The following AATF variants were observed in gnomAD, a reference collection of about 807,000 sequenced individuals.
AATF encodes the protein apoptosis antagonizing transcription factor.
A neutral mutation model predicts 63.7 loss-of-function variants in AATF; 48 were observed. That is an observed-to-expected ratio of 0.75 (90% CI 0.60 to 0.96). The LOEUF is 0.96. AATF is among the 40% of genes least tolerant of loss of function. AATF has a pLI of 0.00. For synonymous variants in AATF, 258 were observed against 247.7 expected (o/e 1.04, Z -0.39); for missense variants, 639 against 685.7 (o/e 0.93, Z 0.76).
At chr17:37,056,558 A>G (rs769946524) in intron 11 of AATF, 43 bp from the exon 12 acceptor site, 17 of 1,600,536 alleles carry the variant, frequency 1.1e-5, no homozygotes, top group Admixed American at 1.7e-5. Context: ...AACCTTGAAT[A>G]GTGAACCAGT....
At chr17:36,984,007 G>A (rs1267055826) in intron 4 of AATF, among the ~76,000 whole-genome samples, 1 of 152,210 alleles carries the variant, frequency 6.6e-6, no homozygotes, top group African/African-American at 2.4e-5. Flanking sequence ...TCTAACTCAT[G>A]TATTGGTGTC....
intron 4 of AATF, among the ~76,000 whole-genome samples, chr17:36,964,213 G>T (rs1417417578): frequency 7.6e-6 from 1 of 131,262 alleles, no homozygotes; most frequent in Non-Finnish European, 1.5e-5. Context: ...CAGCGTGTTT[G>T]CATGTTGATA....
intron 11 of AATF, among the ~76,000 whole-genome samples, chr17:37,038,693 G>T (rs1403412424): frequency 6.6e-6 from 1 of 151,968 alleles, no homozygotes; most frequent in Admixed American, 6.6e-5. Flanking sequence ...ATAACTTAAA[G>T]AAATTCTCAA....
At chr17:37,028,401 C>T (rs1466496916) in intron 10 of AATF, among the ~76,000 whole-genome samples, 2 of 152,024 alleles carry the variant, frequency 1.3e-5, no homozygotes, top group Non-Finnish European at 2.9e-5. Flanking sequence ...ACACTGCACT[C>T]CAGCCTGAGC....
chr17:37,011,526 A>G (rs1329598766), intron 8 of AATF, among the ~76,000 whole-genome samples: 1 of 152,210 alleles, frequency 6.6e-6, no homozygotes, highest in Non-Finnish European at 1.5e-5. Context: ...TTCCAGGGGT[A>G]ACTCTTAGGT....
chr17:37,002,397 G>A (rs1022152017), intron 8 of AATF, among the ~76,000 whole-genome samples: 1 of 151,948 alleles, frequency 6.6e-6, no homozygotes, highest in Non-Finnish European at 1.5e-5. Context: ...GCTGGGCATG[G>A]TGCCTCACAC....
At chr17:36,964,812 A>G (rs1200132371) in intron 4 of AATF, among the ~76,000 whole-genome samples, 4 of 128,274 alleles carry the variant, frequency 3.1e-5, no homozygotes, top group African/African-American at 1.1e-4. Flanking sequence ...CCTAAACTTT[A>G]CATCATGCCA....
At chr17:37,042,733 C>CTTTTTTTTTT (rs200304881) in intron 11 of AATF, among the ~76,000 whole-genome samples, 1 of 137,334 alleles carries the variant, frequency 7.3e-6, no homozygotes. Flanking sequence ...TTAATTTTTT[C>CTTTTTTTTTT]TTTCTTTTTT....
chr17:36,994,078 A>C (rs2071236261), intron 8 of AATF, among the ~76,000 whole-genome samples: 2 of 152,198 alleles, frequency 1.3e-5, no homozygotes, highest in African/African-American at 4.8e-5. Flanking sequence ...CTGATATCAT[A>C]AATAATCTTA....
Position 36,950,064 on chromosome 17 carries a change from A to G in AATF, c.92-150A>G, listed in dbSNP as rs532208770. Reference sequence around the variant, plus strand: ...AGAAACAGCAGTAAGACAGTGTTCTACTTTGGGAGAGAGTGAATTTCCTAT... The same window carrying G: ...AGAAACAGCAGTAAGACAGTGTTCTGCTTTGGGAGAGAGTGAATTTCCTAT... On this transcript the variant is annotated intron_variant, in intron 1 of 11. Transcript: ENST00000619387. The G allele has an allele frequency of 7.2e-6, 6 of 830,586 alleles. No homozygotes were observed. In the East Asian group the frequency reaches 1.2e-4, roughly 17 times the overall value. The allele number at this position is 830,586 out of a possible 1,614,324, so 51.5% of individuals were successfully genotyped here. A position where few individuals can be genotyped will look rare whatever the true frequency, so the allele number is the denominator to read the frequency against.
chr17:36,989,554 A>T (rs2071197429), intron 7 of AATF, 143 bp downstream of exon 7: 3 of 836,132 alleles, frequency 3.6e-6, no homozygotes, highest in South Asian at 3.6e-5. Flanking sequence ...TTACTGAGAG[A>T]AACTTGAGTG....
At chr17:37,052,284 C>G (rs1028796210) in intron 11 of AATF, 3 of 152,128 alleles carry the variant, frequency 2.0e-5, no homozygotes, top group African/African-American at 7.2e-5. Context: ...CAAGGTTAAC[C>G]TGGAGGATTG....
In AATF at chr17:36,973,953, C is replaced by G. The variant is rs537500055; in HGVS notation, c.833-12664C>G. The stretch of plus-strand genomic sequence containing the variant: ...GGGCGTGGTGGCATACGCCTGTAAT[C>G]CCTGCCTCGGGAGGCTGAGGCAGAA... On this transcript the variant is annotated intron_variant, in intron 4 of 11. Transcript: ENST00000619387. Among the ~76,000 whole-genome samples the G allele has an allele frequency of 3.9e-5, 6 of 152,198 alleles. No homozygotes were observed. In the South Asian group the frequency reaches 1.2e-3, roughly 32 times the overall value.
At chr17:36,981,664 T>C (rs1028761446) in intron 4 of AATF, among the ~76,000 whole-genome samples, 6 of 150,302 alleles carry the variant, frequency 4.0e-5, no homozygotes, top group Non-Finnish European at 8.9e-5. Context: ...TTTCTTCCTC[T>C]TTCTTCTTTC....
intron 4 of AATF, among the ~76,000 whole-genome samples, chr17:36,956,928 A>T (rs913868446): frequency 6.6e-6 from 1 of 152,094 alleles, no homozygotes; most frequent in African/African-American, 2.4e-5. Flanking sequence ...GTGAGCTGAG[A>T]TCGTGCTAGT....
Position 36,966,186 on chromosome 17 carries a change from G to A in AATF, c.832+12279G>A, listed in dbSNP as rs571947609. The stretch of plus-strand genomic sequence containing the variant: ...TGTGATTTTACCATGTTTATGTTCC[G>A]AAAGATTTTTGAAGCTGATTTCCAG... On this transcript the variant is annotated intron_variant, in intron 4 of 11. Transcript: ENST00000619387. 5.9e-5 allele frequency among the ~76,000 whole-genome samples: 9 copies of A among 151,946 alleles called. No individual in the cohort carries two copies. The South Asian group carries it at 1.2e-3, about 21-fold the overall frequency.
intron 11 of AATF, among the ~76,000 whole-genome samples, chr17:37,044,135 A>G (rs1424530976): frequency 6.6e-6 from 1 of 152,184 alleles, no homozygotes; most frequent in Non-Finnish European, 1.5e-5. Context: ...ACTGTCCTAT[A>G]AGATGAAGAT....
chr17:37,031,570 A>G (rs1308252306), intron 10 of AATF, 44 bp from the exon 11 acceptor site: 2 of 1,452,042 alleles, frequency 1.4e-6, no homozygotes. Context: ...CTCCTAGGTT[A>G]ATAGTTACTA....
At chr17:37,037,662 A>G (rs1024328225) in intron 11 of AATF, among the ~76,000 whole-genome samples, 1 of 152,240 alleles carries the variant, frequency 6.6e-6, no homozygotes, top group African/African-American at 2.4e-5. Flanking sequence ...AAATAAGTAC[A>G]CATATAATCT....
Sources: gnomAD v4.1 joint callset for allele counts (sites outside exome capture counted in the v4.1 genomes callset) on GRCh38, gnomAD v4.1.1 for gene constraint, MANE v1.5 for transcripts, NCBI Gene and HGNC (gene_info 2026-07-23, HGNC 2026-07-21) for gene names.